Variants in MRC1 observed in about 807,000 individuals in gnomAD.
MRC1 encodes the protein macrophage mannose receptor 1.
Under a neutral mutation model 102.9 loss-of-function variants are expected in MRC1, and 62 were observed. The observed-to-expected ratio is 0.60, with a 90% confidence interval of 0.49 to 0.74. The LOEUF is 0.74. Among genes scored for constraint, MRC1 ranks in the 30% least tolerant of loss-of-function variants. MRC1 has a pLI of 0.00. For synonymous variants in MRC1, 457 were observed against 298.4 expected, an observed-to-expected ratio of 1.53 and a Z score of -5.48; for missense variants, 1,237 against 862.8, an observed-to-expected ratio of 1.43 and a Z score of -5.43.
intron 3 of MRC1, among the ~76,000 whole-genome samples, chr10:17,828,625 A>G (rs1564611575): frequency 1.3e-5 from 2 of 151,548 alleles, no homozygotes; most frequent in Non-Finnish European, 2.9e-5. Flanking sequence ...CACAGTGAAA[A>G]TGATAGTCAG....
chr10:17,901,605 C>A (rs1160297700), intron 25 of MRC1, among the ~76,000 whole-genome samples: 3 of 151,958 alleles, frequency 2.0e-5, no homozygotes, highest in Admixed American at 2.0e-4. Context: ...AGGAGAATCA[C>A]TTGAATCCGG....
At chr10:17,864,969 C>G (rs1486675055) in intron 11 of MRC1, among the ~76,000 whole-genome samples, 12 of 152,060 alleles carry the variant, frequency 7.9e-5, no homozygotes, top group African/African-American at 2.7e-4. Context: ...CTGCCTGCCT[C>G]TCTATATATT....
At position 17,872,134 on chromosome 10, in the gene MRC1, C is replaced by A. The variant is rs1833362737; in HGVS notation, c.2344+8C>A. The A allele has an allele frequency of 1.3e-6, 1 of 780,528 alleles. No individual in the cohort carries two copies. The highest frequency in any genetic ancestry group is 2.4e-6 in the Non-Finnish European group (1 of 417,742). The allele number at this position is 780,528 out of a possible 1,614,324, so 48.4% of individuals were successfully genotyped here. Reference sequence around the variant, plus strand: ...TTTGCCAGATACAAAAAGGTATGATCACCTCTTCTCTCCTTTATCTCAGCT... The same window carrying A: ...TTTGCCAGATACAAAAAGGTATGATAACCTCTTCTCTCCTTTATCTCAGCT... On this transcript the variant is annotated splice_region_variant and intron_variant, in intron 15 of 29. Transcript: ENST00000569591.
intron 4 of MRC1, among the ~76,000 whole-genome samples, chr10:17,836,377 G>A (rs1554839469): frequency 6.6e-6 from 1 of 152,182 alleles, no homozygotes; most frequent in Non-Finnish European, 1.5e-5. Context: ...GGAACAGAAA[G>A]GATCAGAGTG....
chr10:17,876,375 G>A (rs1266043855), intron 17 of MRC1, among the ~76,000 whole-genome samples: 1 of 151,852 alleles, frequency 6.6e-6, no homozygotes, highest in Non-Finnish European at 1.5e-5. Context: ...AGCCTTCTGA[G>A]TAGCTGGGAC....
intron 21 of MRC1, among the ~76,000 whole-genome samples, chr10:17,882,938 T>C (rs1833539438): frequency 6.6e-6 from 1 of 152,180 alleles, no homozygotes; most frequent in East Asian, 1.9e-4. Context: ...AGGAAACAAT[T>C]TGCAGATAAA....
intron 2 of MRC1, among the ~76,000 whole-genome samples, chr10:17,823,942 C>T (rs202179733): frequency 0.19 from 28,207 of 152,048 alleles, 3,224 homozygotes; most frequent in Non-Finnish European, 0.25. Context: ...GATCCCTTGG[C>T]GACATGGGAT....
intron 11 of MRC1, 63 bp downstream of exon 11, chr10:17,863,745 T>C: frequency 1.3e-6 from 1 of 759,258 alleles, no homozygotes; most frequent in South Asian, 1.4e-5. Context: ...TAAAGTCTGT[T>C]ATTCCTCCGG....
intron 21 of MRC1, among the ~76,000 whole-genome samples, chr10:17,881,823 T>G (rs2130692440): frequency 6.9e-6 from 1 of 145,352 alleles, no homozygotes; most frequent in South Asian, 2.2e-4. Flanking sequence ...GCTCGCCTAA[T>G]ATTTTTTAAA....
chr10:17,816,926 A>T (rs1377967906), intron 1 of MRC1, among the ~76,000 whole-genome samples: 7 of 152,142 alleles, frequency 4.6e-5, no homozygotes, highest in Non-Finnish European at 1.0e-4. Flanking sequence ...GACTTGTTCA[A>T]TGTTGCGGCA....
intron 9 of MRC1, among the ~76,000 whole-genome samples, chr10:17,859,389 C>G (rs1000484553): frequency 0.22 from 34,078 of 152,010 alleles, 3,880 homozygotes; most frequent in South Asian, 0.24. Flanking sequence ...ATGATCTCGG[C>G]TCAGCGCAAC....
At chr10:17,845,786 A>G (rs1434428316) in intron 6 of MRC1, among the ~76,000 whole-genome samples, 1 of 152,204 alleles carries the variant, frequency 6.6e-6, no homozygotes, top group African/African-American at 2.4e-5. Context: ...CTAGAAAGTC[A>G]ACATTTGGAA....
chr10:17,867,157 C>G (rs1833282191), intron 12 of MRC1, among the ~76,000 whole-genome samples: 1 of 142,800 alleles, frequency 7.0e-6, no homozygotes, highest in Non-Finnish European at 1.5e-5. Flanking sequence ...CTCCCTTCCT[C>G]TGTTCCTTCC....
Position 17,881,088 on chromosome 10 carries a change from A to G in MRC1, c.2887A>G (p.Met963Val). 1.3e-6 allele frequency: 1 copy of G among 780,700 alleles called. No individual in the cohort carries two copies. Among genetic ancestry groups the G allele is most frequent in the African/African-American group, 1.7e-5 (1 of 59,236 alleles). The allele number at this position is 780,700 out of a possible 1,614,324, so 48.4% of individuals were successfully genotyped here. A position where few individuals can be genotyped will look rare whatever the true frequency, so the allele number is the denominator to read the frequency against. ...CCAGTGTTTCAAAATCTTTGGATTTATGGAAGAAGAAAGAAAAAATTGGCA... is the reference window on the plus strand; with the variant it reads ...CCAGTGTTTCAAAATCTTTGGATTTGTGGAAGAAGAAAGAAAAAATTGGCA... ...SNKCFKIFGF[M>V]EEERKNWQEA... The change falls in exon 21 of 30, where the codon ATG (methionine) becomes GTG (valine). Residue 963 changes from methionine (M) to valine (V), a missense_variant. By Grantham distance (21) the Met-to-Val change is conservative. Transcript: ENST00000569591.
rs781954380 is a variant in MRC1 at position 17,823,095 on chromosome 10, A to G, written c.83A>G (p.Tyr28Cys). 1.3e-6 allele frequency: 1 copy of G among 780,884 alleles called. No homozygotes were observed. Among genetic ancestry groups the G allele is most frequent in the South Asian group, 1.3e-5 (1 of 74,620 alleles). 48.4% of individuals were successfully genotyped at this position (780,884 alleles called of 1,614,324 possible). Reference sequence around the variant, plus strand: ...ACAGACACCAGGCAATTTTTAATCTATAATGAAGATCACAAGCGCTGCGTG... The same window carrying G: ...ACAGACACCAGGCAATTTTTAATCTGTAATGAAGATCACAAGCGCTGCGTG... Reference protein sequence around the residue: ...LLLDTRQFLIYNEDHKRCVDA... With the variant: ...LLLDTRQFLICNEDHKRCVDA... The change falls in exon 2 of 30, where the codon TAT becomes TGT. Residue 28 changes from tyrosine to cysteine, a missense_variant. Physicochemically the swap from Tyr to Cys is radical, Grantham distance 194. Transcript: ENST00000569591.
intron 1 of MRC1, among the ~76,000 whole-genome samples, chr10:17,820,701 T>C (rs1838382089): frequency 1.3e-5 from 2 of 152,104 alleles, no homozygotes; most frequent in African/African-American, 2.4e-5. Flanking sequence ...AAAACAACAG[T>C]AGGTAGAATA....
Position 17,881,670 on chromosome 10 carries a change from A to ATTTTT in MRC1, c.2980+508_2980+512dup, listed in dbSNP as rs1184943960. On this transcript the variant is annotated intron_variant, in intron 21 of 29. Transcript: ENST00000569591. ...AAATATGAACTTTGAACAAATTTTG[A>ATTTTT]TTTTTTTTTTTTTTTTTTTTTTTGG... Among the ~76,000 whole-genome samples, 366 of 102,702 alleles carry ATTTTT rather than the reference A, an allele frequency of 3.6e-3. 11 individuals are homozygous for ATTTTT. Among genetic ancestry groups the ATTTTT allele is most frequent in the South Asian group, 7.3e-3 (22 of 3,006 alleles). The allele number at this position is 102,702 out of a possible 152,430, so 67.4% of individuals were successfully genotyped here.
intron 1 of MRC1, among the ~76,000 whole-genome samples, chr10:17,810,478 A>G (rs925197273): frequency 3.0e-4 from 46 of 152,304 alleles, no homozygotes; most frequent in East Asian, 1.7e-3. Flanking sequence ...ATGTTAAATC[A>G]TAAGTATTGA....
intron 22 of MRC1, among the ~76,000 whole-genome samples, chr10:17,892,143 T>C (rs979457520): frequency 9.8e-5 from 15 of 152,306 alleles, no homozygotes; most frequent in South Asian, 8.3e-4. Flanking sequence ...GAATGAATGC[T>C]CTGTCGTATT....
Sources: gnomAD v4.1 joint callset for allele counts (sites outside exome capture counted in the v4.1 genomes callset) on GRCh38, gnomAD v4.1.1 for gene constraint, MANE v1.5 for transcripts, NCBI Gene and HGNC (gene_info 2026-07-23, HGNC 2026-07-21) for gene names.